The following GRK3 variants were observed in gnomAD, a reference collection of about 807,000 sequenced individuals.
GRK3 encodes adrenergic, beta, receptor kinase 2.
Under a neutral mutation model 95.7 loss-of-function variants are expected in GRK3, and 54 were observed. The observed-to-expected ratio is 0.56, with a 90% confidence interval of 0.45 to 0.71. GRK3 has a LOEUF of 0.71. Among genes scored for constraint, GRK3 ranks in the 30% least tolerant of loss-of-function variants. GRK3 has a pLI of 0.00. For missense variants in GRK3, 649 were observed against 851.2 expected, an observed-to-expected ratio of 0.76 and a Z score of 2.96; for synonymous variants, 281 against 290.8, an observed-to-expected ratio of 0.97 and a Z score of 0.34.
At chr22:25,719,514 C>T (rs906768775) in intron 19 of GRK3, among the ~76,000 whole-genome samples, 1 of 152,202 alleles carries the variant, frequency 6.6e-6, no homozygotes, top group African/African-American at 2.4e-5. Context: ...CAAGATGTAG[C>T]TGCCCTCTAA....
intron 11 of GRK3, among the ~76,000 whole-genome samples, chr22:25,688,256 A>G (rs912332503): frequency 6.7e-6 from 1 of 150,122 alleles, no homozygotes; most frequent in African/African-American, 2.5e-5. Context: ...AAAAAAAAAA[A>G]GCAGTTTAGG....
Position 25,648,696 on chromosome 22 carries a change from G to A in GRK3, c.264+4031G>A. On this transcript the variant is annotated intron_variant, in intron 3 of 20. Coordinates refer to ENST00000324198, the MANE Select transcript of GRK3 (RefSeq NM_005160.4). Reference sequence around the variant, plus strand: ...ATTCAATTTCCTTAAGGAAGGAGATGGAAAGTATTTGAAGCTTCCACAAAT... The same window carrying A: ...ATTCAATTTCCTTAAGGAAGGAGATAGAAAGTATTTGAAGCTTCCACAAAT... 2.9e-6 allele frequency: 3 copies of A among 1,027,420 alleles called. No individual in the cohort carries two copies. In the South Asian group the frequency reaches 3.8e-5, roughly 13 times the overall value. The allele number at this position is 1,027,420 out of a possible 1,614,324, so 63.6% of individuals were successfully genotyped here.
chr22:25,690,233 A>G lies in GRK3; in HGVS notation c.1002A>G (p.Ser334=). The G allele has an allele frequency of 1.2e-6, 2 of 1,614,152 alleles. No homozygotes were observed. Among genetic ancestry groups the G allele is most frequent in the Non-Finnish European group, 1.7e-6 (2 of 1,179,992 alleles). ...ATGAACATGGACACGCAAGAATATCAGATCTTGGTCTTGCCTGCGATTTTT... is the reference window on the plus strand; with the variant it reads ...ATGAACATGGACACGCAAGAATATCGGATCTTGGTCTTGCCTGCGATTTTT... ...LLDEHGHARI[S]DLGLACDFSK... Residue 334 remains serine, a synonymous_variant, in exon 12 of 21, where the codon TCA becomes TCG. Coordinates refer to ENST00000324198, the MANE Select transcript of GRK3 (RefSeq NM_005160.4).
intron 19 of GRK3, among the ~76,000 whole-genome samples, chr22:25,719,323 G>A (rs1302071659): frequency 6.6e-6 from 1 of 152,164 alleles, no homozygotes; most frequent in Non-Finnish European, 1.5e-5. Flanking sequence ...TTAGGAGGTG[G>A]AAGGGTGACT....
At chr22:25,603,536 G>A (rs1290080993) in intron 1 of GRK3, among the ~76,000 whole-genome samples, 1 of 152,066 alleles carries the variant, frequency 6.6e-6, no homozygotes, top group East Asian at 1.9e-4. Context: ...TTTGTAATAA[G>A]CCCCAGTATC....
At chr22:25,570,066 T>C (rs1931633857) in intron 1 of GRK3, among the ~76,000 whole-genome samples, 1 of 152,226 alleles carries the variant, frequency 6.6e-6, no homozygotes, top group Non-Finnish European at 1.5e-5. Flanking sequence ...AAGGAATGGA[T>C]GAAACTGCGA....
chr22:25,606,245 T>G (rs1477492063), intron 2 of GRK3, among the ~76,000 whole-genome samples: 1 of 152,236 alleles, frequency 6.6e-6, no homozygotes. Context: ...TTTCTTCTGT[T>G]CCCTTCAATT....
rs940074479 is a variant in GRK3 at position 25,595,114 on chromosome 22, C to T, written c.114-9263C>T. ...CATTCCCCTTGAGAACTGGAACAGA[C>T]AAGGATTCTCATTCTTGCCACTCTT... On this transcript the variant is annotated intron_variant, in intron 1 of 20. Coordinates refer to ENST00000324198, the MANE Select transcript of GRK3 (RefSeq NM_005160.4). Among the ~76,000 whole-genome samples, 5 of 152,032 alleles carry T rather than the reference C, an allele frequency of 3.3e-5. No homozygotes were observed. In the South Asian group the frequency reaches 8.3e-4, roughly 25 times the overall value.
intron 1 of GRK3, among the ~76,000 whole-genome samples, chr22:25,576,462 C>G (rs1380589819): frequency 6.6e-6 from 1 of 152,158 alleles, no homozygotes. Flanking sequence ...CTGCCTAGAC[C>G]AGAAACCTTT....
At chr22:25,626,256 T>C (rs751707309) in intron 2 of GRK3, among the ~76,000 whole-genome samples, 7 of 152,194 alleles carry the variant, frequency 4.6e-5, no homozygotes, top group Non-Finnish European at 1.0e-4. Context: ...TGTGAAGTCT[T>C]AGCCCACGCA....
At position 25,600,030 on chromosome 22, in the gene GRK3, A is replaced by G. The variant is rs7292683; in HGVS notation, c.114-4347A>G. Among the ~76,000 whole-genome samples, 519 of 152,320 alleles carry G rather than the reference A, an allele frequency of 3.4e-3. 5 individuals are homozygous for G. Among genetic ancestry groups the G allele is most frequent in the African/African-American group, 0.012 (478 of 41,556 alleles). On this transcript the variant is annotated intron_variant, in intron 1 of 20. Coordinates refer to ENST00000324198, the MANE Select transcript of GRK3 (RefSeq NM_005160.4). ...CTGTATCTACCTAACAGAAGTATGCAGATTCTTTAAGTACTTCAATTAAAA... is the reference window on the plus strand; with the variant it reads ...CTGTATCTACCTAACAGAAGTATGCGGATTCTTTAAGTACTTCAATTAAAA...
intron 13 of GRK3, chr22:25,703,015 G>A (rs2085270443): frequency 1.6e-5 from 6 of 378,086 alleles, no homozygotes; most frequent in Middle Eastern, 4.2e-4. Flanking sequence ...TTCATCAAAG[G>A]GATGTATTAC....
chr22:25,601,622 A>G (rs1214149279), intron 1 of GRK3, among the ~76,000 whole-genome samples: 10 of 152,216 alleles, frequency 6.6e-5, no homozygotes, highest in Admixed American at 2.6e-4. Flanking sequence ...CAATGTGTAC[A>G]TAAGGATAGA....
intron 2 of GRK3, among the ~76,000 whole-genome samples, chr22:25,621,744 A>G (rs2084587671): frequency 6.6e-6 from 1 of 152,226 alleles, no homozygotes; most frequent in African/African-American, 2.4e-5. Context: ...AGTTGAGCCC[A>G]GCCATGGGTT....
intron 2 of GRK3, among the ~76,000 whole-genome samples, chr22:25,611,129 C>T (rs71321054): frequency 0.12 from 17,553 of 152,120 alleles, 1,372 homozygotes; most frequent in Non-Finnish European, 0.17. Flanking sequence ...CCCAAAGTGC[C>T]GGGATTACAG....
intron 1 of GRK3, among the ~76,000 whole-genome samples, chr22:25,566,955 GT>G (rs925513947): frequency 4.7e-5 from 7 of 148,278 alleles, no homozygotes; most frequent in East Asian, 2.0e-4. Context: ...CTTCTGTTCA[GT>G]TTTTTTTTTC....
chr22:25,718,499 C>A, intron 19 of GRK3, 118 bp downstream of exon 19: 1 of 1,178,352 alleles, frequency 8.5e-7, no homozygotes. Context: ...TTCTATTTTA[C>A]TGCTCTACAT....
intron 3 of GRK3, 105 bp downstream of exon 3, chr22:25,644,770 C>A (rs1373679834): frequency 5.2e-6 from 3 of 574,938 alleles, no homozygotes; most frequent in South Asian, 3.2e-5. Context: ...TTTAGAAATT[C>A]ATTGAAAGTA....
intron 1 of GRK3, among the ~76,000 whole-genome samples, chr22:25,596,314 G>A (rs542828731): frequency 1.3e-5 from 2 of 152,226 alleles, no homozygotes; most frequent in East Asian, 3.9e-4. Context: ...GAAAAAGATT[G>A]CTGTTCTTCA....
Sources: gnomAD v4.1 joint callset for allele counts (sites outside exome capture counted in the v4.1 genomes callset) on GRCh38, gnomAD v4.1.1 for gene constraint, MANE v1.5 for transcripts, NCBI Gene and HGNC (gene_info 2026-07-23, HGNC 2026-07-21) for gene names.